The following ANGPT1 variants were observed in gnomAD, a reference collection of about 807,000 sequenced individuals.
The protein encoded by ANGPT1 is angiopoietin-1.
ANGPT1 carries 17 observed loss-of-function variants against 62.2 expected under a neutral mutation model. The ratio of observed to expected loss-of-function variants is 0.27; its 90% CI spans 0.19 to 0.41. The LOEUF is 0.41. ANGPT1 is among the 10% of genes least tolerant of loss of function. The pLI, the probability that ANGPT1 is intolerant of heterozygous loss-of-function variation, is 1.00. For synonymous variants in ANGPT1, 199 were observed against 198.9 expected (o/e 1.00, Z 0.00); for missense variants, 478 against 594.9 (o/e 0.80, Z 2.04).
rs778585024 is a variant in ANGPT1 at position 107,264,293 on chromosome 8, C to T, written c.1264G>A (p.Gly422Ser). Residue 422 changes from glycine (G) to serine (S), a missense_variant, in exon 8 of 9, where the codon GGT becomes AGT. This residue lies in a region of ANGPT1 where 19 missense variants were observed against 72.9 expected (regional missense o/e 0.26). Coordinates refer to ENST00000517746, the MANE Select transcript of ANGPT1 (RefSeq NM_001146.5). ...AGKQSSLILHGADFSTKDADN... is the reference protein window; with the variant it reads ...AGKQSSLILHSADFSTKDADN... ...GCATCTTTAGTGCTGAAATCAGCAC[C>T]GTGTAAGATCAGGCTGCTCTGTTTT... 8 of 1,613,870 alleles carry T rather than the reference C, an allele frequency of 5.0e-6. No homozygotes were observed. Among genetic ancestry groups the T allele is most frequent in the South Asian group, 1.1e-5 (1 of 91,062 alleles).
intron 3 of ANGPT1, chr8:107,322,767 A>G (rs1357038069): frequency 3.5e-6 from 1 of 282,620 alleles, no homozygotes; most frequent in East Asian, 1.2e-4. Flanking sequence ...AGGATATTAG[A>G]AAATGCTCAA....
At chr8:107,440,697 T>A (rs1811452869) in intron 1 of ANGPT1, among the ~76,000 whole-genome samples, 1 of 152,256 alleles carries the variant, frequency 6.6e-6, no homozygotes, top group South Asian at 2.1e-4. Flanking sequence ...AGCATTAACA[T>A]GTCCTTTTAA....
intron 1 of ANGPT1, among the ~76,000 whole-genome samples, chr8:107,372,437 C>G (rs1273635843): frequency 6.6e-6 from 1 of 152,094 alleles, no homozygotes; most frequent in Admixed American, 6.5e-5. Context: ...AAATTACAAT[C>G]CATGTAATAG....
Position 107,319,391 on chromosome 8 carries a change from T to C in ANGPT1, c.808+2505A>G, listed in dbSNP as rs552729741. On this transcript the variant is annotated intron_variant, in intron 4 of 8. Coordinates refer to ENST00000517746, the MANE Select transcript of ANGPT1 (RefSeq NM_001146.5). ...AGGGTCAATTAAAATGTTTGGCTTT[T>C]TGGATGACGACACAGCTCGTGTTTT... 1.4e-4 allele frequency among the ~76,000 whole-genome samples: 22 copies of C among 152,256 alleles called. No homozygotes were observed. The South Asian group carries it at 3.7e-3, about 26-fold the overall frequency.
chr8:107,405,540 T>C (rs559553635), intron 1 of ANGPT1, among the ~76,000 whole-genome samples: 3 of 152,090 alleles, frequency 2.0e-5, no homozygotes, highest in Admixed American at 2.0e-4. Context: ...TAAAATGTTT[T>C]ATAAAATTAC....
At chr8:107,284,553 G>T in intron 7 of ANGPT1, 129 bp downstream of exon 7, 2 of 858,296 alleles carry the variant, frequency 2.3e-6, no homozygotes, top group Non-Finnish European at 3.2e-6. Context: ...TTTGTAATAG[G>T]TCTAGACAAA....
intron 1 of ANGPT1, among the ~76,000 whole-genome samples, chr8:107,488,126 G>T (rs965359777): frequency 6.6e-6 from 1 of 151,918 alleles, no homozygotes; most frequent in Non-Finnish European, 1.5e-5. Flanking sequence ...AATATGGGTG[G>T]GCCTCAGTAT....
At position 107,303,282 on chromosome 8, in the gene ANGPT1, T is replaced by C; in HGVS notation, c.894A>G (p.Gly298=). The C allele has an allele frequency of 1.2e-6, 2 of 1,604,996 alleles. No individual in the cohort carries two copies. The highest frequency in any genetic ancestry group is 1.1e-5 in the South Asian group (1 of 90,672). Residue 298 remains glycine (G), a synonymous_variant, in exon 5 of 9, where the codon GGA becomes GGG. Coordinates refer to ENST00000517746, the MANE Select transcript of ANGPT1 (RefSeq NM_001146.5). ...DVYQAGFNKS[G]IYTIYINNMP... is the part of the protein sequence containing the mutation. Reference sequence around the variant, plus strand: ...TATTATTAATATAAATAGTGTAGATTCCACTTTTATTAAAACCAGCTTGAT... The same window carrying C: ...TATTATTAATATAAATAGTGTAGATCCCACTTTTATTAAAACCAGCTTGAT...
At chr8:107,298,199 A>T (rs931022638) in intron 5 of ANGPT1, among the ~76,000 whole-genome samples, 24 of 151,976 alleles carry the variant, frequency 1.6e-4, no homozygotes, top group African/African-American at 5.6e-4. Flanking sequence ...CATAGTTTTT[A>T]TACTTTTATG....
intron 4 of ANGPT1, among the ~76,000 whole-genome samples, chr8:107,309,484 A>C (rs964978407): frequency 1.3e-4 from 20 of 152,204 alleles, no homozygotes; most frequent in African/African-American, 4.3e-4. Flanking sequence ...TTTTGAAGAC[A>C]CTCTCTGGAA....
intron 1 of ANGPT1, among the ~76,000 whole-genome samples, chr8:107,409,788 C>A (rs1421498794): frequency 6.6e-6 from 1 of 151,580 alleles, no homozygotes; most frequent in Non-Finnish European, 1.5e-5. Context: ...AGTTTCGGAA[C>A]CCTCACTTAG....
chr8:107,365,773 A>C (rs932029153), intron 1 of ANGPT1, among the ~76,000 whole-genome samples: 2 of 152,052 alleles, frequency 1.3e-5, no homozygotes, highest in African/African-American at 2.4e-5. Flanking sequence ...TAACTAAGTC[A>C]GGTTAAAGTA....
At chr8:107,315,752 T>C (rs1165307336) in intron 4 of ANGPT1, among the ~76,000 whole-genome samples, 1 of 152,166 alleles carries the variant, frequency 6.6e-6, no homozygotes, top group African/African-American at 2.4e-5. Context: ...TGCTCTCAAA[T>C]TGTACACAAA....
At chr8:107,442,564 C>G (rs1626877) in intron 1 of ANGPT1, among the ~76,000 whole-genome samples, 30,349 of 152,154 alleles carry the variant, frequency 0.2, 3,220 homozygotes, top group Non-Finnish European at 0.24. Context: ...TGGGTTGCTT[C>G]TCTTCTAAAA....
At chr8:107,263,689 T>C (rs1813550234) in intron 8 of ANGPT1, among the ~76,000 whole-genome samples, 1 of 152,178 alleles carries the variant, frequency 6.6e-6, no homozygotes, top group Admixed American at 6.5e-5. Flanking sequence ...TGATACTATT[T>C]AATGGTATCT....
At chr8:107,367,145 G>T (rs112943623) in intron 1 of ANGPT1, among the ~76,000 whole-genome samples, 44 of 152,124 alleles carry the variant, frequency 2.9e-4, no homozygotes, top group Non-Finnish European at 3.7e-4. Context: ...GAATACTTTG[G>T]AGACATTATG....
At chr8:107,282,752 C>G (rs1233100068) in intron 7 of ANGPT1, among the ~76,000 whole-genome samples, 1 of 151,508 alleles carries the variant, frequency 6.6e-6, no homozygotes, top group East Asian at 1.9e-4. Flanking sequence ...GGAAGACTTA[C>G]TTTTTGATCA....
intron 7 of ANGPT1, among the ~76,000 whole-genome samples, chr8:107,277,750 C>T (rs540621496): frequency 2.6e-5 from 4 of 152,208 alleles, no homozygotes; most frequent in African/African-American, 7.2e-5. Flanking sequence ...TGAATCTAAT[C>T]AGAAAGAAAT....
intron 7 of ANGPT1, among the ~76,000 whole-genome samples, chr8:107,266,926 GAGA>G (rs886815993): frequency 3.4e-4 from 52 of 152,018 alleles, no homozygotes; most frequent in Admixed American, 2.5e-3. Flanking sequence ...TTATAAATTT[GAGA>G]AGAAAAGCAA....
Sources: allele counts gnomAD v4.1 joint callset (sites outside exome capture counted in the v4.1 genomes callset), GRCh38; gene constraint gnomAD v4.1.1; regional missense constraint gnomAD v4.1.1; transcripts MANE v1.5; gene names NCBI Gene and HGNC (gene_info 2026-07-23, HGNC 2026-07-21).